MFSD12: variants seen among roughly 807,000 people sequenced by gnomAD.
The protein encoded by MFSD12 is major facilitator superfamily domain-containing protein 12.
Under a neutral mutation model 51.2 loss-of-function variants are expected in MFSD12, and 67 were observed. That is an observed-to-expected ratio of 1.31 (90% CI 1.08 to 1.60). The LOEUF is 1.60. MFSD12 is among the 40% of genes most tolerant of loss of function. MFSD12 has a pLI of 0.00. For missense variants in MFSD12, 921 were observed against 673.0 expected (o/e 1.37, Z -4.08); for synonymous variants, 441 against 316.7 (o/e 1.39, Z -4.17).
At chr19:3,539,227 C>A, downstream of MFSD12, 3 of 1,550,546 alleles carry the variant, frequency 1.9e-6, no homozygotes, top group Non-Finnish European at 2.6e-6. Context: ...CCCTCGGGGA[C>A]CCTCGAGGCC....
At chr19:3,546,651 T>C (rs1240106358) in intron 6 of MFSD12, among the ~76,000 whole-genome samples, 4 of 152,376 alleles carry the variant, frequency 2.6e-5, no homozygotes, top group African/African-American at 9.6e-5. Context: ...GTGGCTATTC[T>C]GCCTGAGCGC....
At position 3,557,241 on chromosome 19, in the gene MFSD12, A is replaced by G. The variant is rs776417826; in HGVS notation, c.163T>C (p.Ser55Pro). Residue 55 changes from serine (S) to proline (P), a missense_variant, in exon 1 of 10, where the codon TCC (serine) becomes CCC (proline). Ser to Pro is a moderately conservative substitution (Grantham distance 74, BLOSUM62 -1). Coordinates refer to ENST00000355415, the MANE Select transcript of MFSD12 (RefSeq NM_174983.5). ...LYLHSVRAYSSRGAGLLLLLG... is the reference protein window; with the variant it reads ...LYLHSVRAYSPRGAGLLLLLG... ...AGCAGCAGCAGCCCCGCGCCGCGGGAGCTGTAGGCGCGCACCGAGTGCAGG... is the reference window on the plus strand; with the variant it reads ...AGCAGCAGCAGCCCCGCGCCGCGGGGGCTGTAGGCGCGCACCGAGTGCAGG... The G allele has an allele frequency of 4.4e-6, 7 of 1,593,606 alleles. No homozygotes were observed. In the South Asian group the frequency reaches 8.0e-5, roughly 18 times the overall value.
chr19:3,543,202 T>C (rs1361314508), downstream of MFSD12: 4 of 1,533,440 alleles, frequency 2.6e-6, no homozygotes, highest in Middle Eastern at 1.8e-4. Flanking sequence ...GCTGTAGACA[T>C]GGGCTCAGTC....
chr19:3,554,926 C>A (rs1283151403), intron 1 of MFSD12, among the ~76,000 whole-genome samples: 1 of 152,218 alleles, frequency 6.6e-6, no homozygotes, highest in Non-Finnish European at 1.5e-5. Flanking sequence ...ACCCTCCTGA[C>A]CCTCCAGGCC....
At position 3,546,294 on chromosome 19, in the gene MFSD12, G is replaced by A. The variant is rs1458293304; in HGVS notation, c.1155C>T (p.Thr385=). 1.2e-6 allele frequency: 2 copies of A among 1,610,374 alleles called. No individual in the cohort carries two copies. ...LGAGCATILV[T]SLAMTADLIG... The stretch of plus-strand genomic sequence containing the variant: ...TGAGGTCGGCCGTCATGGCCAGCGA[G>A]GTGACGAGGATGGTGGCACAGCCAG... Residue 385 remains threonine (T), a synonymous_variant, in exon 7 of 10, where the codon ACC becomes ACT. Transcript: ENST00000355415.
Position 3,547,314 on chromosome 19 carries a change from G to A in MFSD12, c.981C>T (p.Ser327=), listed in dbSNP as rs371646155. 86 of 1,613,224 alleles carry A rather than the reference G, an allele frequency of 5.3e-5. No individual in the cohort carries two copies. Among genetic ancestry groups the A allele is most frequent in the South Asian group, 2.5e-4 (23 of 91,094 alleles). ...TGTTGATGGGCTTCATGAGGAAGGA[G>A]GACAAGAAGCCGCTGAGGTACATCA... ...PLVMYLSGFL[S]SFLMKPINKC... The change falls in exon 6 of 10, where the codon TCC becomes TCT. Residue 327 remains serine, a synonymous_variant. Transcript: ENST00000355415.
intron 1 of MFSD12, among the ~76,000 whole-genome samples, chr19:3,553,866 G>A (rs997106744): frequency 1.3e-5 from 2 of 151,720 alleles, no homozygotes; most frequent in African/African-American, 2.4e-5. Context: ...TGGATCACCT[G>A]AGGTCAGGAG....
At chr19:3,542,758 C>G, downstream of MFSD12, 2 of 1,352,794 alleles carry the variant, frequency 1.5e-6, no homozygotes, top group South Asian at 1.2e-5. Flanking sequence ...GCTGGGTTTA[C>G]AAGCGTGAGC....
Position 3,551,249 on chromosome 19 carries a change from C to T in MFSD12, c.299-55G>A, listed in dbSNP as rs377277682. On this transcript the variant is annotated intron_variant, in intron 1 of 9. Transcript: ENST00000355415. This position sits in a 1 kb window ranked among gnomAD's most constrained non-coding sequence, Gnocchi z 4.6. ...GCTGTCCCGCACCAGCCAGGGCTCC[C>T]AGGGTGAGGACATGGAGGGAGGAGA... The T allele has an allele frequency of 9.7e-5, 137 of 1,411,996 alleles. No individual in the cohort carries two copies. The East Asian group carries it at 3.0e-3, about 31-fold the overall frequency. 87.5% of individuals were successfully genotyped at this position (1,411,996 alleles called of 1,614,324 possible).
In MFSD12 at chr19:3,557,525, C is replaced by CCGA. The variant is rs1389228151; in HGVS notation, c.-123_-122insTCG. On this transcript the variant is annotated 5_prime_UTR_variant, in exon 1 of 10. Coordinates refer to ENST00000355415, the MANE Select transcript of MFSD12 (RefSeq NM_174983.5). ...CACCACGCGCCGGGCACCCCGCGTC[C>CCGA]CGCTCTCTTACGGCCGCGCCCTCAC... is the stretch of plus-strand genomic sequence containing the variant. 1 of 541,424 alleles carries CCGA rather than the reference C, an allele frequency of 1.8e-6. No individual in the cohort carries two copies. The highest frequency in any genetic ancestry group is 2.0e-5 in the African/African-American group (1 of 49,480). The allele number at this position is 541,424 out of a possible 1,614,324, so 33.5% of individuals were successfully genotyped here.
In MFSD12 at chr19:3,544,646, C is replaced by T. The variant is rs983587044; in HGVS notation, c.*64G>A. ...GGGCAGTGGGGGCTTTTCCCCAAGG[C>T]CCTGGGGGGCATCCTCGTGCGTCCC... On this transcript the variant is annotated 3_prime_UTR_variant, in exon 10 of 10. Coordinates refer to ENST00000355415, the MANE Select transcript of MFSD12 (RefSeq NM_174983.5). 4 of 1,545,026 alleles carry T rather than the reference C, an allele frequency of 2.6e-6. No homozygotes were observed. The highest frequency in any genetic ancestry group is 2.5e-5 in the South Asian group (2 of 80,952).
At chr19:3,557,009 G>A (rs913065785) in intron 1 of MFSD12, 97 bp downstream of exon 1, 2 of 963,092 alleles carry the variant, frequency 2.1e-6, no homozygotes, top group South Asian at 2.3e-5. Context: ...CGATCCTGAG[G>A]CAGGCAGACG....
chr19:3,547,712 G>A lies in MFSD12; in HGVS notation c.837+136C>T, dbSNP rs2031190039. 1.0e-5 allele frequency: 12 copies of A among 1,197,620 alleles called. No homozygotes were observed. The South Asian group carries it at 1.9e-4, about 19-fold the overall frequency. The allele number at this position is 1,197,620 out of a possible 1,614,324, so 74.2% of individuals were successfully genotyped here. On this transcript the variant is annotated intron_variant, in intron 4 of 9. Coordinates refer to ENST00000355415, the MANE Select transcript of MFSD12 (RefSeq NM_174983.5). The stretch of plus-strand genomic sequence containing the variant: ...CAGGAAGAGGAGAGCAGCACTTGAT[G>A]AGTGACGTTTGCCCTGGGTGTGGGC...
chr19:3,543,796 G>C, downstream of MFSD12: 1 of 1,499,602 alleles, frequency 6.7e-7, no homozygotes, highest in Non-Finnish European at 9.0e-7. Flanking sequence ...GCGAGGAGGT[G>C]GGGGCACATG....
At chr19:3,542,169 A>G (rs1331990946), downstream of MFSD12, 1 of 985,266 alleles carries the variant, frequency 1.0e-6, no homozygotes, top group African/African-American at 1.7e-5. Context: ...TTCATTTCAA[A>G]AGGGTGAGGT....
At chr19:3,554,790 G>A (rs1391060921) in intron 1 of MFSD12, among the ~76,000 whole-genome samples, 1 of 152,238 alleles carries the variant, frequency 6.6e-6, no homozygotes, top group Admixed American at 6.5e-5. Context: ...GGCAAAGTGA[G>A]TCCTTAGCCA....
At chr19:3,539,359 C>T (rs895930793), downstream of MFSD12, 29 of 693,892 alleles carry the variant, frequency 4.2e-5, no homozygotes, top group Admixed American at 6.8e-4. Flanking sequence ...TTGCACGTGT[C>T]ACTCGTTATT....
chr19:3,546,825 C>T (rs900993209), intron 6 of MFSD12, among the ~76,000 whole-genome samples: 4 of 152,114 alleles, frequency 2.6e-5, no homozygotes, highest in Admixed American at 2.6e-4. Flanking sequence ...ATTCCTTGTT[C>T]CCAGATCTGG....
At chr19:3,541,848 A>G (rs1382573607), downstream of MFSD12, 21 of 960,700 alleles carry the variant, frequency 2.2e-5, no homozygotes, top group Non-Finnish European at 2.6e-5. Context: ...TCGCTCTCTC[A>G]CCCAGGCTGG....
Sources: allele counts gnomAD v4.1 joint callset (sites outside exome capture counted in the v4.1 genomes callset), GRCh38; gene constraint gnomAD v4.1.1; non-coding constraint Gnocchi (gnomAD v3.1); transcripts MANE v1.5; gene names NCBI Gene and HGNC (gene_info 2026-07-23, HGNC 2026-07-21).